The following C17orf67 variants were observed in gnomAD, a reference collection of about 807,000 sequenced individuals.
C17orf67 encodes uncharacterized protein C17orf67.
Under a neutral mutation model 11.2 loss-of-function variants are expected in C17orf67, and 12 were observed. The observed-to-expected ratio is 1.07, with a 90% CI of 0.68 to 1.73. C17orf67 has a LOEUF of 1.73. C17orf67 is among the 40% of genes most tolerant of loss of function. The pLI is 0.00. For synonymous variants in C17orf67, 59 were observed against 46.9 expected (o/e 1.26, Z -1.05); for missense variants, 115 against 113.5 (o/e 1.01, Z -0.06).
intron 6 of C17orf67, among the ~76,000 whole-genome samples, chr17:56,809,813 T>G (rs1317435047): frequency 1.1e-5 from 1 of 95,106 alleles, no homozygotes; most frequent in Admixed American, 1.0e-4. Context: ...CCCTTACACA[T>G]ACACCCTCAC....
chr17:56,822,827 C>A (rs1905937724), intron 4 of C17orf67, among the ~76,000 whole-genome samples: 1 of 152,208 alleles, frequency 6.6e-6, no homozygotes, highest in Admixed American at 6.5e-5. Flanking sequence ...CTTCTACAGG[C>A]ATACACCCCT....
chr17:56,816,956 C>T (rs185780134), intron 4 of C17orf67, among the ~76,000 whole-genome samples: 6 of 152,224 alleles, frequency 3.9e-5, no homozygotes, highest in Non-Finnish European at 7.4e-5. Flanking sequence ...CTCAAGCGAT[C>T]CTTCCACCTC....
intron 2 of C17orf67, among the ~76,000 whole-genome samples, chr17:56,829,642 T>C (rs960232168): frequency 1.3e-5 from 2 of 152,174 alleles, no homozygotes; most frequent in African/African-American, 2.4e-5. Context: ...GGGAGCCCCT[T>C]TTTGTGTTGA....
intron 2 of C17orf67, among the ~76,000 whole-genome samples, chr17:56,828,960 C>T (rs186330523): frequency 5.3e-5 from 8 of 151,940 alleles, no homozygotes; most frequent in South Asian, 4.2e-4. Flanking sequence ...ATAAGGTGAA[C>T]AGCACCAACG....
At chr17:56,796,950 C>T (rs1424826883) in intron 6 of C17orf67, among the ~76,000 whole-genome samples, 3 of 152,122 alleles carry the variant, frequency 2.0e-5, no homozygotes, top group Admixed American at 6.5e-5. Context: ...CAGCATCTGC[C>T]TCTACCCACG....
chr17:56,814,452 G>A (rs1402396790), intron 6 of C17orf67, among the ~76,000 whole-genome samples: 1 of 152,186 alleles, frequency 6.6e-6, no homozygotes, highest in Admixed American at 6.5e-5. Flanking sequence ...CCCTCAGGCA[G>A]CTGGGGCAGA....
intron 4 of C17orf67, among the ~76,000 whole-genome samples, chr17:56,817,374 G>C (rs150132653): frequency 1.1e-4 from 17 of 152,240 alleles, no homozygotes; most frequent in African/African-American, 3.6e-4. Context: ...GATATTTTGA[G>C]CAGATTGTAA....
intron 4 of C17orf67, among the ~76,000 whole-genome samples, chr17:56,822,010 G>C (rs1905916029): frequency 6.6e-6 from 1 of 152,200 alleles, no homozygotes; most frequent in Non-Finnish European, 1.5e-5. Flanking sequence ...AAGTAGCTAA[G>C]AAAGGAGCCA....
intron 2 of C17orf67, among the ~76,000 whole-genome samples, chr17:56,827,601 T>C (rs1490414418): frequency 6.6e-6 from 1 of 152,258 alleles, no homozygotes; most frequent in Non-Finnish European, 1.5e-5. Context: ...AGTCCCACTA[T>C]TGGCCGTGTG....
chr17:56,796,266 T>C (rs1370054289), intron 6 of C17orf67, among the ~76,000 whole-genome samples: 3 of 152,214 alleles, frequency 2.0e-5, no homozygotes, highest in Non-Finnish European at 4.4e-5. Context: ...ACATCATTTG[T>C]CACAGCCAAA....
intron 6 of C17orf67, among the ~76,000 whole-genome samples, chr17:56,806,135 T>A (rs976047685): frequency 6.6e-6 from 1 of 151,756 alleles, no homozygotes; most frequent in Non-Finnish European, 1.5e-5. Context: ...CCACCACACC[T>A]GGCTAATTTT....
chr17:56,807,089 G>A (rs917010713), intron 6 of C17orf67, among the ~76,000 whole-genome samples: 1 of 152,236 alleles, frequency 6.6e-6, no homozygotes, highest in Non-Finnish European at 1.5e-5. Context: ...GCTGGAGATA[G>A]AAGTGTGTGC....
chr17:56,820,322 C>T (rs1905867918), intron 4 of C17orf67, among the ~76,000 whole-genome samples: 1 of 152,130 alleles, frequency 6.6e-6, no homozygotes, highest in South Asian at 2.1e-4. Flanking sequence ...TTAATATTTA[C>T]CCACTTATTC....
chr17:56,820,740 C>T (rs1905881112), intron 4 of C17orf67, among the ~76,000 whole-genome samples: 2 of 150,004 alleles, frequency 1.3e-5, no homozygotes, highest in South Asian at 4.2e-4. Flanking sequence ...AACACCCAAA[C>T]ACAACTTTTT....
chr17:56,798,620 G>C (rs1269861143), intron 6 of C17orf67, among the ~76,000 whole-genome samples: 2 of 151,934 alleles, frequency 1.3e-5, no homozygotes, highest in African/African-American at 4.8e-5. Flanking sequence ...TCAAGCTCTG[G>C]AGTTCGAGAC....
intron 4 of C17orf67, among the ~76,000 whole-genome samples, chr17:56,817,756 G>A (rs1485593235): frequency 1.3e-5 from 2 of 152,072 alleles, no homozygotes; most frequent in Non-Finnish European, 2.9e-5. Context: ...ACTGCACCTG[G>A]CCCATTTGCT....
chr17:56,831,953 TTTC>T (rs1287787311), intron 2 of C17orf67, among the ~76,000 whole-genome samples: 1 of 152,152 alleles, frequency 6.6e-6, no homozygotes, highest in Admixed American at 6.5e-5. Flanking sequence ...TTTCTTTTTC[TTTC>T]TTTTTTTTTG....
At chr17:56,806,829 T>A (rs1905463597) in intron 6 of C17orf67, among the ~76,000 whole-genome samples, 1 of 152,168 alleles carries the variant, frequency 6.6e-6, no homozygotes. Flanking sequence ...GGGAGACCAT[T>A]AAGAGATTAT....
At chr17:56,807,906 T>A (rs563902832) in intron 6 of C17orf67, among the ~76,000 whole-genome samples, 153 of 22,424 alleles carry the variant, frequency 6.8e-3, no homozygotes, top group Admixed American at 0.012. Flanking sequence ...AAATAAATAA[T>A]AAATAAATAA....
Sources: gnomAD v4.1 joint callset for allele counts (sites outside exome capture counted in the v4.1 genomes callset) on GRCh38, gnomAD v4.1.1 for gene constraint, MANE v1.5 for transcripts, NCBI Gene and HGNC (gene_info 2026-07-23, HGNC 2026-07-21) for gene names.